The following ERC2 variants were observed in gnomAD, a reference collection of about 807,000 sequenced individuals.
ERC2 encodes ELKS/RAB6-interacting/CAST family member 2.
In ERC2, 42 loss-of-function variants were observed where a neutral mutation model predicts 114.8. That is an observed-to-expected ratio of 0.37 (90% confidence interval 0.29 to 0.47). ERC2 has a LOEUF of 0.47. ERC2 is among the 20% of genes least tolerant of loss of function. The probability of loss-of-function intolerance (pLI) is 0.99; values close to 1 mark genes in which losing one functional copy is unlikely to be tolerated. For synonymous variants in ERC2, 454 were observed against 425.5 expected (o/e 1.07, Z -0.82); for missense variants, 939 against 1,150.7 (o/e 0.82, Z 2.66).
intron 2 of ERC2, among the ~76,000 whole-genome samples, chr3:56,398,439 A>T (rs564640426): frequency 1.3e-5 from 2 of 152,300 alleles, no homozygotes; most frequent in African/African-American, 2.4e-5. Flanking sequence ...ATAAACAACA[A>T]ATAATTTTTA....
At chr3:55,679,446 T>C (rs1449556118) in intron 17 of ERC2, among the ~76,000 whole-genome samples, 1 of 152,190 alleles carries the variant, frequency 6.6e-6, no homozygotes, top group Non-Finnish European at 1.5e-5. Context: ...ATCAAAGCCA[T>C]GACCAAAACG....
intron 7 of ERC2, among the ~76,000 whole-genome samples, chr3:56,062,001 A>G (rs2149708580): frequency 6.6e-6 from 1 of 152,334 alleles, no homozygotes; most frequent in East Asian, 1.9e-4. Context: ...TCTGCATTTC[A>G]TATTATAAAC....
intron 14 of ERC2, among the ~76,000 whole-genome samples, chr3:55,887,617 T>C (rs1477273022): frequency 6.6e-6 from 1 of 152,248 alleles, no homozygotes; most frequent in Non-Finnish European, 1.5e-5. Context: ...TTGCAATTGA[T>C]ATTTATTAAA....
intron 2 of ERC2, among the ~76,000 whole-genome samples, chr3:56,368,602 T>C (rs982559909): frequency 2.0e-5 from 3 of 152,180 alleles, no homozygotes; most frequent in Admixed American, 6.5e-5. Flanking sequence ...CAAGGACACA[T>C]TGGCTATCCT....
intron 3 of ERC2, among the ~76,000 whole-genome samples, chr3:56,230,342 T>G (rs1198805473): frequency 1.3e-5 from 2 of 152,232 alleles, no homozygotes; most frequent in Non-Finnish European, 2.9e-5. Context: ...AACCCATTAT[T>G]TGAAAAGGTG....
At position 55,697,648 on chromosome 3, in the gene ERC2, C is replaced by T. The variant is rs2063002015; in HGVS notation, c.2847+1730G>A. Among the ~76,000 whole-genome samples, 6 of 152,116 alleles carry T rather than the reference C, an allele frequency of 3.9e-5. No homozygotes were observed. In the South Asian group the frequency reaches 1.2e-3, roughly 32 times the overall value. On this transcript the variant is annotated intron_variant, in intron 16 of 17. Transcript: ENST00000288221. ...GTAGAACATATGAGCATATGTGTCTCTGTGATGAGACAAGCTGGTTTGTTA... is the reference window on the plus strand; with the variant it reads ...GTAGAACATATGAGCATATGTGTCTTTGTGATGAGACAAGCTGGTTTGTTA...
chr3:56,165,729 T>C (rs1248580396), intron 4 of ERC2, among the ~76,000 whole-genome samples: 5 of 152,082 alleles, frequency 3.3e-5, no homozygotes, highest in South Asian at 2.1e-4. Flanking sequence ...CAATTTCATA[T>C]CTTAATTGTT....
At chr3:55,904,302 A>T (rs1258392285) in intron 13 of ERC2, among the ~76,000 whole-genome samples, 1 of 152,212 alleles carries the variant, frequency 6.6e-6, no homozygotes, top group Non-Finnish European at 1.5e-5. Flanking sequence ...ACACACACAC[A>T]CAAGTTGAAA....
At chr3:55,904,692 T>G (rs1216744136) in intron 13 of ERC2, among the ~76,000 whole-genome samples, 1 of 152,136 alleles carries the variant, frequency 6.6e-6, no homozygotes, top group East Asian at 1.9e-4. Context: ...TACTCTTCAG[T>G]GAAGAAAGAA....
At chr3:55,969,345 G>C (rs1387891918) in intron 12 of ERC2, among the ~76,000 whole-genome samples, 1 of 151,768 alleles carries the variant, frequency 6.6e-6, no homozygotes, top group Non-Finnish European at 1.5e-5. Flanking sequence ...TGGAGAGCCA[G>C]AAAAGCTGGA....
chr3:55,993,592 T>A (rs1217246280), intron 10 of ERC2, among the ~76,000 whole-genome samples: 1 of 151,986 alleles, frequency 6.6e-6, no homozygotes, highest in Non-Finnish European at 1.5e-5. Context: ...ATGTAACATA[T>A]TATTTAAGCA....
At chr3:56,278,215 A>T (rs903805416) in intron 3 of ERC2, among the ~76,000 whole-genome samples, 1 of 152,214 alleles carries the variant, frequency 6.6e-6, no homozygotes, top group Non-Finnish European at 1.5e-5. Flanking sequence ...GACTGGTGGG[A>T]TCAACAGTAT....
chr3:55,754,143 T>A (rs1023223482), intron 14 of ERC2, among the ~76,000 whole-genome samples: 5 of 152,008 alleles, frequency 3.3e-5, no homozygotes, highest in Non-Finnish European at 5.9e-5. Flanking sequence ...AAGATAAATA[T>A]GTTCAAATCA....
chr3:56,385,768 T>C (rs966106088), intron 2 of ERC2, among the ~76,000 whole-genome samples: 2 of 152,186 alleles, frequency 1.3e-5, no homozygotes, highest in East Asian at 3.8e-4. Flanking sequence ...TTTTAAATGG[T>C]TTGCTTTCTT....
intron 17 of ERC2, among the ~76,000 whole-genome samples, chr3:55,530,821 C>A (rs538458100): frequency 6.6e-6 from 1 of 152,134 alleles, no homozygotes; most frequent in African/African-American, 2.4e-5. Context: ...TGTTACGAAG[C>A]CTAATTATTA....
At chr3:56,377,362 A>C (rs2106668891) in intron 2 of ERC2, among the ~76,000 whole-genome samples, 1 of 152,330 alleles carries the variant, frequency 6.6e-6, no homozygotes, top group South Asian at 2.1e-4. Flanking sequence ...ATGCAGAGAA[A>C]GAAATGCCTG....
intron 3 of ERC2, among the ~76,000 whole-genome samples, chr3:56,223,480 A>G (rs1259489343): frequency 1.3e-5 from 2 of 151,594 alleles, no homozygotes; most frequent in African/African-American, 4.9e-5. Context: ...TGAATTAATA[A>G]AAGGACAACA....
chr3:55,668,123 T>TTA lies in ERC2; in HGVS notation c.*39+15669_*39+15670dup, dbSNP rs1360568956. Among the ~76,000 whole-genome samples the TTA allele has an allele frequency of 1.7e-3, 253 of 151,828 alleles. 1 individual carries two copies. Among genetic ancestry groups the TTA allele is most frequent in the African/African-American group, 5.3e-3 (220 of 41,402 alleles). ...TAAGATATATAATGCATAATAAATT[T>TTA]TATATATATATATGTATCTCACTAT... is the stretch of plus-strand genomic sequence containing the variant. On this transcript the variant is annotated intron_variant, in intron 17 of 17. Coordinates refer to ENST00000288221, the MANE Select transcript of ERC2 (RefSeq NM_015576.3).
chr3:55,952,172 C>CT lies in ERC2; in HGVS notation c.2268-1613_2268-1612insA, dbSNP rs1559922574. 2.2e-3 allele frequency among the ~76,000 whole-genome samples: 130 copies of CT among 58,928 alleles called. 3 individuals are homozygous for CT. The highest frequency in any genetic ancestry group is 6.1e-3 in the African/African-American group (116 of 19,014). The allele number at this position is 58,928 out of a possible 152,430, so 38.7% of individuals were successfully genotyped here. ...ACACACACACACACACACACACACA[C>CT]ACACACACTCTCTCTCTCTCTCTCT... is the stretch of plus-strand genomic sequence containing the variant. On this transcript the variant is annotated intron_variant, in intron 12 of 17. Transcript: ENST00000288221.
Sources: allele counts gnomAD v4.1 joint callset (sites outside exome capture counted in the v4.1 genomes callset), GRCh38; gene constraint gnomAD v4.1.1; transcripts MANE v1.5; gene names NCBI Gene and HGNC (gene_info 2026-07-23, HGNC 2026-07-21).